The following PTPRM variants were observed in gnomAD, a reference collection of about 807,000 sequenced individuals.
The protein encoded by PTPRM is receptor-type tyrosine-protein phosphatase mu.
A neutral mutation model predicts 186.7 loss-of-function variants in PTPRM; 47 were observed. The observed-to-expected ratio is 0.25, with a 90% CI of 0.20 to 0.32. PTPRM has a LOEUF of 0.32. PTPRM is among the 10% of genes least tolerant of loss of function. PTPRM has a pLI of 1.00. For missense variants in PTPRM, 1,494 were observed against 1,865.0 expected (o/e 0.80, Z 3.66); for synonymous variants, 668 against 674.9 (o/e 0.99, Z 0.16).
intron 2 of PTPRM, among the ~76,000 whole-genome samples, chr18:7,841,166 A>C (rs1165350011): frequency 6.6e-6 from 1 of 151,968 alleles, no homozygotes; most frequent in Non-Finnish European, 1.5e-5. Flanking sequence ...TTCAGAAAAG[A>C]TACAGGGGCT....
chr18:7,816,997 T>TG (rs1424524836), intron 2 of PTPRM, among the ~76,000 whole-genome samples: 1 of 143,650 alleles, frequency 7.0e-6, no homozygotes, highest in African/African-American at 2.7e-5. Flanking sequence ...TTTTTTGAGA[T>TG]GGGGTCTCAC....
At chr18:7,636,823 G>T (rs957954069) in intron 1 of PTPRM, among the ~76,000 whole-genome samples, 4 of 152,216 alleles carry the variant, frequency 2.6e-5, no homozygotes, top group Admixed American at 2.6e-4. Context: ...AAAGCAACAG[G>T]CATAGTAATT....
At chr18:7,859,022 G>T (rs149613045) in intron 2 of PTPRM, among the ~76,000 whole-genome samples, 10 of 152,202 alleles carry the variant, frequency 6.6e-5, no homozygotes, top group African/African-American at 2.4e-4. Context: ...TGCATTCTGG[G>T]GTTTTGCCCC....
chr18:7,689,536 G>A (rs1257588298), intron 1 of PTPRM, among the ~76,000 whole-genome samples: 3 of 152,214 alleles, frequency 2.0e-5, no homozygotes, highest in African/African-American at 7.2e-5. Context: ...TAGGGTTACA[G>A]TTAAGCCCTA....
At chr18:8,273,692 G>A (rs1225049845) in intron 19 of PTPRM, among the ~76,000 whole-genome samples, 2 of 152,130 alleles carry the variant, frequency 1.3e-5, no homozygotes, top group Non-Finnish European at 2.9e-5. Context: ...TCAGCAGTAT[G>A]GTAGGAATCA....
chr18:7,701,149 C>T (rs2039956591), intron 1 of PTPRM, among the ~76,000 whole-genome samples: 1 of 149,976 alleles, frequency 6.7e-6, no homozygotes, highest in Non-Finnish European at 1.5e-5. Flanking sequence ...ACTAAAAATA[C>T]AAAATTTAGC....
Position 7,814,847 on chromosome 18 carries a change from G to A in PTPRM, c.196+40576G>A, listed in dbSNP as rs182930355. The A allele has an allele frequency of 3.1e-3, 477 of 152,284 alleles. 3 individuals carry two copies. Among genetic ancestry groups the A allele is most frequent in the Middle Eastern group, 0.01 (3 of 294 alleles). The allele number at this position is 152,284 out of a possible 1,614,324, so 9.4% of individuals were successfully genotyped here. A position where few individuals can be genotyped will look rare whatever the true frequency, so the allele number is the denominator to read the frequency against. ...CATTTTATACTTCTGTTTTGAAACT[G>A]ACGGAATTGTCCCAGAAAACTGATG... On this transcript the variant is annotated intron_variant, in intron 2 of 32. Transcript: ENST00000580170.
intron 1 of PTPRM, among the ~76,000 whole-genome samples, chr18:7,677,017 G>C (rs2039360118): frequency 6.6e-6 from 1 of 152,202 alleles, no homozygotes; most frequent in South Asian, 2.1e-4. Context: ...AGGATTTAAA[G>C]AGTGGCATTT....
rs139456104 is a variant in PTPRM, at chr18:8,044,298, A to G, written c.1133-25388A>G. On this transcript the variant is annotated intron_variant, in intron 7 of 32. Transcript: ENST00000580170. ...GACATTTGAAAAGGGAACCGAAGAT[A>G]TTCAGTCTGTTTCTTCTGGGCATTG... Among the ~76,000 whole-genome samples, 366 of 152,300 alleles carry G rather than the reference A, an allele frequency of 2.4e-3. 2 individuals are homozygous for G. The Middle Eastern group carries it at 0.027, about 11-fold the overall frequency.
At chr18:8,331,014 T>G (rs942943896) in intron 22 of PTPRM, among the ~76,000 whole-genome samples, 1 of 152,192 alleles carries the variant, frequency 6.6e-6, no homozygotes, top group Non-Finnish European at 1.5e-5. Flanking sequence ...TTAGAGATCC[T>G]CTTTGGTGCC....
chr18:7,750,492 C>T (rs370617366), intron 1 of PTPRM, among the ~76,000 whole-genome samples: 49 of 152,264 alleles, frequency 3.2e-4, no homozygotes, highest in East Asian at 3.1e-3. Context: ...TAACATTCCT[C>T]GTATCAGTCT....
intron 4 of PTPRM, among the ~76,000 whole-genome samples, chr18:7,919,854 T>C (rs1301979439): frequency 6.6e-6 from 1 of 152,178 alleles, no homozygotes; most frequent in Non-Finnish European, 1.5e-5. Flanking sequence ...CTATGTTTGC[T>C]TTATATACTT....
chr18:8,118,836 G>A (rs2092063847), intron 13 of PTPRM, among the ~76,000 whole-genome samples: 1 of 143,940 alleles, frequency 6.9e-6, no homozygotes, highest in African/African-American at 2.6e-5. Flanking sequence ...ATATATATGA[G>A]ATTTATACAT....
chr18:7,724,852 G>GTGCTGT (rs575090995), intron 1 of PTPRM, among the ~76,000 whole-genome samples: 20 of 152,176 alleles, frequency 1.3e-4, no homozygotes, highest in Non-Finnish European at 2.2e-4. Flanking sequence ...TCTTATAGTA[G>GTGCTGT]TGCTGTTCCC....
chr18:8,343,002 C>T (rs2148260198), intron 22 of PTPRM, among the ~76,000 whole-genome samples: 1 of 152,246 alleles, frequency 6.6e-6, no homozygotes, highest in South Asian at 2.1e-4. Flanking sequence ...AAGAAGAGGC[C>T]ATTTTTCCTA....
At chr18:7,774,950 A>C (rs1282022507) in intron 2 of PTPRM, among the ~76,000 whole-genome samples, 1 of 152,128 alleles carries the variant, frequency 6.6e-6, no homozygotes, top group Admixed American at 6.5e-5. Flanking sequence ...TCCCTTTAGG[A>C]CTTTAGGTCT....
Position 7,568,609 on chromosome 18 carries a change from C to G in PTPRM, c.73+718C>G, listed in dbSNP as rs939191764. Among the ~76,000 whole-genome samples the G allele has an allele frequency of 6.6e-6, 1 of 152,224 alleles. No homozygotes were observed. Among genetic ancestry groups the G allele is most frequent in the Admixed American group, 6.5e-5 (1 of 15,284 alleles). ...GGCTCCCCCTCCCCACCCTCGTCCCCCTAGCGGAGCGCCGCGGCCAGCTGC... is the reference window on the plus strand; with the variant it reads ...GGCTCCCCCTCCCCACCCTCGTCCCGCTAGCGGAGCGCCGCGGCCAGCTGC... On this transcript the variant is annotated intron_variant, in intron 1 of 32. Transcript: ENST00000580170. The surrounding 1 kb of genome is among the most constrained non-coding windows in gnomAD (Gnocchi z 5.1).
In PTPRM at chr18:7,785,070, T is replaced by C. The variant is rs149612994; in HGVS notation, c.196+10799T>C. Reference sequence around the variant, plus strand: ...GAGGGGTGGGAAGGGAGCACAGGTGTTCACAAGGCTGCCTGGGAAACTGCA... The same window carrying C: ...GAGGGGTGGGAAGGGAGCACAGGTGCTCACAAGGCTGCCTGGGAAACTGCA... On this transcript the variant is annotated intron_variant, in intron 2 of 32. Coordinates refer to ENST00000580170, the MANE Select transcript of PTPRM (RefSeq NM_001105244.2). Among the ~76,000 whole-genome samples the C allele has an allele frequency of 5.5e-4, 84 of 152,238 alleles. 1 individual carries two copies. In the East Asian group the frequency reaches 0.016, roughly 29 times the overall value.
chr18:7,781,475 C>T (rs2042851694), intron 2 of PTPRM, among the ~76,000 whole-genome samples: 2 of 151,856 alleles, frequency 1.3e-5, no homozygotes, highest in South Asian at 2.1e-4. Flanking sequence ...ATTTTAGGTT[C>T]GGGGGTACAT....
Sources: allele counts gnomAD v4.1 joint callset (sites outside exome capture counted in the v4.1 genomes callset), GRCh38; gene constraint gnomAD v4.1.1; non-coding constraint Gnocchi (gnomAD v3.1); transcripts MANE v1.5; gene names NCBI Gene and HGNC (gene_info 2026-07-23, HGNC 2026-07-21).